Variants in HMOX1 observed in about 807,000 individuals in gnomAD.
HMOX1 encodes the protein heat shock protein, 32-kD.
Under a neutral mutation model 27.8 loss-of-function variants are expected in HMOX1, and 22 were observed. The observed-to-expected ratio is 0.79, with a 90% CI of 0.57 to 1.13. HMOX1 has a LOEUF of 1.13. Ranked by LOEUF, HMOX1 falls within the 50% of genes most tolerant of loss-of-function variation. HMOX1 has a pLI of 0.00. For missense variants in HMOX1, 379 were observed against 377.7 expected, an observed-to-expected ratio of 1.00 and a Z score of -0.03; for synonymous variants, 153 against 151.6, an observed-to-expected ratio of 1.01 and a Z score of -0.07.
intron 1 of HMOX1, chr22:35,381,433 T>C: frequency 1.7e-6 from 1 of 600,100 alleles, no homozygotes. Context: ...AAGATGGGAG[T>C]GTCCCTAGAG....
chr22:35,385,892 A>G (rs1190162581), intron 2 of HMOX1, among the ~76,000 whole-genome samples: 2 of 151,790 alleles, frequency 1.3e-5, no homozygotes, highest in African/African-American at 2.4e-5. Flanking sequence ...CAGCCTCCCA[A>G]AGTGCTGGGA....
chr22:35,391,632 C>T (rs1931727104), intron 4 of HMOX1, among the ~76,000 whole-genome samples: 1 of 107,694 alleles, frequency 9.3e-6, no homozygotes, highest in Non-Finnish European at 1.7e-5. Flanking sequence ...CTCGCTCTTT[C>T]ACCCAGTCTG....
intron 3 of HMOX1, among the ~76,000 whole-genome samples, chr22:35,389,269 T>A (rs1931604855): frequency 7.9e-6 from 1 of 126,384 alleles, no homozygotes; most frequent in East Asian, 2.1e-4. Context: ...TCTCTCTCTC[T>A]CTCTCCTCTC....
chr22:35,381,729 C>T (rs1299919988), intron 1 of HMOX1, among the ~76,000 whole-genome samples: 1 of 152,012 alleles, frequency 6.6e-6, no homozygotes, highest in African/African-American at 2.4e-5. Context: ...GGTCTGCCCA[C>T]CTCCAGGTCT....
Position 35,383,135 on chromosome 22 carries a change from A to T in HMOX1, c.53A>T (p.Lys18Met), listed in dbSNP as rs150399064. ...CCCCAGGATTTGTCAGAGGCCCTGAAGGAGGCCACCAAGGAGGTGCACACC... is the reference window on the plus strand; with the variant it reads ...CCCCAGGATTTGTCAGAGGCCCTGATGGAGGCCACCAAGGAGGTGCACACC... ...SMPQDLSEALKEATKEVHTQA... is the reference protein window; with the variant it reads ...SMPQDLSEALMEATKEVHTQA... Residue 18 changes from lysine (K) to methionine (M), a missense_variant, in exon 2 of 5, where the codon AAG (lysine) becomes ATG (methionine). Physicochemically the swap from Lys to Met is moderately conservative, Grantham distance 95. Transcript: ENST00000216117. 3.1e-6 allele frequency: 5 copies of T among 1,613,828 alleles called. No homozygotes were observed. Among genetic ancestry groups the T allele is most frequent in the Non-Finnish European group, 4.2e-6 (5 of 1,179,788 alleles).
chr22:35,389,206 T>TTTCC (rs1931588746), intron 3 of HMOX1, among the ~76,000 whole-genome samples: 2 of 128,104 alleles, frequency 1.6e-5, no homozygotes, highest in Non-Finnish European at 3.2e-5. Context: ...TCTTTCTTTC[T>TTTCC]TTCTTTCTCT....
At chr22:35,390,197 GT>G (rs1190453989) in intron 4 of HMOX1, 1 of 555,968 alleles carries the variant, frequency 1.8e-6, no homozygotes, top group Non-Finnish European at 3.3e-6. Context: ...ACATGCTGCA[GT>G]TACAGGCGCG....
intron 3 of HMOX1, among the ~76,000 whole-genome samples, chr22:35,389,395 C>CTTCCTTTCTTTCTTTCTTT (rs1555901605): frequency 1.7e-4 from 9 of 51,812 alleles, no homozygotes; most frequent in South Asian, 7.9e-4. Flanking sequence ...TTCCTTCCTT[C>CTTCCTTTCTTTCTTTCTTT]CTTTCTTTCT....
rs1016613920 is a variant in HMOX1, at chr22:35,386,667, T to G, written c.145-18T>G. ...CTTCTATGTGGCTGGCGGCCTGACC[T>G]GCTCACTCTGCTTTCAGCTGGTGAT... On this transcript the variant is annotated intron_variant, in intron 2 of 4. Coordinates refer to ENST00000216117, the MANE Select transcript of HMOX1 (RefSeq NM_002133.3). The G allele has an allele frequency of 4.1e-5, 66 of 1,613,888 alleles. No homozygotes were observed. The highest frequency in any genetic ancestry group is 5.3e-5 in the Non-Finnish European group (62 of 1,179,982).
Position 35,386,939 on chromosome 22 carries a change from C to T in HMOX1, c.399C>T (p.Ala133=), listed in dbSNP as rs1931524959. The change falls in exon 3 of 5, where the codon GCC becomes GCT. Residue 133 remains alanine (A), a synonymous_variant. Transcript: ENST00000216117. ...AGCCCGAGCTGCTGGTGGCCCACGC[C>T]TACACCCGCTACCTGGGTGACCTGT... is the stretch of plus-strand genomic sequence containing the variant. The part of the protein sequence containing the change: ...RTEPELLVAH[A]YTRYLGDLSG... 6.2e-7 allele frequency: 1 copy of T among 1,614,116 alleles called. No individual in the cohort carries two copies. Among genetic ancestry groups the T allele is most frequent in the Non-Finnish European group, 8.5e-7 (1 of 1,180,042 alleles).
intron 2 of HMOX1, among the ~76,000 whole-genome samples, chr22:35,385,923 G>T (rs554559346): frequency 7.1e-6 from 1 of 141,380 alleles, no homozygotes; most frequent in African/African-American, 2.6e-5. Context: ...GAGCCACCGC[G>T]TCCAGCTGGC....
rs768435104 is a variant in HMOX1 at position 35,383,107 on chromosome 22, A to C, written c.25A>C (p.Met9Leu). The part of the protein sequence containing the change: MERPQPDS[M>L]PQDLSEALKE... ...TCACCTTTCCCATTTCCTCCTCAGC[A>C]TGCCCCAGGATTTGTCAGAGGCCCT... Residue 9 changes from methionine to leucine, a missense_variant and splice_region_variant, in exon 2 of 5, where the codon ATG (methionine) becomes CTG (leucine). Met to Leu is a conservative substitution (Grantham distance 15). Transcript: ENST00000216117. The C allele has an allele frequency of 2.5e-6, 4 of 1,613,428 alleles. No homozygotes were observed. The highest frequency in any genetic ancestry group is 3.4e-6 in the Non-Finnish European group (4 of 1,179,634).
Position 35,381,138 on chromosome 22 carries a change from C to A in HMOX1, c.-36C>A, listed in dbSNP as rs894108001. 9 of 1,538,222 alleles carry A rather than the reference C, an allele frequency of 5.9e-6. No homozygotes were observed. Among genetic ancestry groups the A allele is most frequent in the East Asian group, 2.4e-5 (1 of 41,192 alleles). ...GAGCGTCCTCAGCGCAGCCGCCGCCCGCGGAGCCAGCACGAACGAGCCCAG... is the reference window on the plus strand; with the variant it reads ...GAGCGTCCTCAGCGCAGCCGCCGCCAGCGGAGCCAGCACGAACGAGCCCAG... On this transcript the variant is annotated 5_prime_UTR_variant, in exon 1 of 5. Transcript: ENST00000216117.
At chr22:35,391,388 C>T (rs369087636) in intron 4 of HMOX1, among the ~76,000 whole-genome samples, 9 of 150,888 alleles carry the variant, frequency 6.0e-5, no homozygotes, top group South Asian at 2.1e-4. Context: ...CCCAGGTTCA[C>T]GCCATTCTCC....
chr22:35,391,557 A>G (rs180810052), intron 4 of HMOX1, among the ~76,000 whole-genome samples: 9 of 142,858 alleles, frequency 6.3e-5, no homozygotes, highest in Middle Eastern at 4.0e-3. Context: ...AAAGTGCTGT[A>G]ATTACAGGTG....
In HMOX1 at chr22:35,391,413, G is replaced by A. The variant is rs548674529; in HGVS notation, c.736+1450G>A. On this transcript the variant is annotated intron_variant, in intron 4 of 4. Transcript: ENST00000216117. ...CGCCATTCTCCTGCCTCAGCCTCCCGAGTAGCTGGGACTACAGGTGCCCGC... is the reference window on the plus strand; with the variant it reads ...CGCCATTCTCCTGCCTCAGCCTCCCAAGTAGCTGGGACTACAGGTGCCCGC... Among the ~76,000 whole-genome samples the A allele has an allele frequency of 3.5e-3, 525 of 151,224 alleles. 2 individuals are homozygous for A. Among genetic ancestry groups the A allele is most frequent in the African/African-American group, 0.012 (478 of 41,146 alleles).
At position 35,386,902 on chromosome 22, in the gene HMOX1, T is replaced by A; in HGVS notation, c.362T>A (p.Val121Glu). ...CGCTATGTGAAGCGGCTCCACGAGG[T>A]GGGGCGCACAGAGCCCGAGCTGCTG... is the stretch of plus-strand genomic sequence containing the variant. Reference protein sequence around the residue: ...MQRYVKRLHEVGRTEPELLVA... With the variant: ...MQRYVKRLHEEGRTEPELLVA... The change falls in exon 3 of 5, where the codon GTG becomes GAG. Residue 121 changes from valine (V) to glutamate (E), a missense_variant. Physicochemically the swap from Val to Glu is moderately radical, Grantham distance 121. Transcript: ENST00000216117. The A allele has an allele frequency of 6.2e-7, 1 of 1,613,976 alleles. No individual in the cohort carries two copies. The highest frequency in any genetic ancestry group is 1.7e-4 in the Middle Eastern group (1 of 6,060).
intron 4 of HMOX1, among the ~76,000 whole-genome samples, chr22:35,391,136 G>A (rs997265841): frequency 3.9e-5 from 6 of 152,236 alleles, no homozygotes; most frequent in African/African-American, 1.2e-4. Flanking sequence ...TTGTAACCCC[G>A]GAGGGCTTGG....
rs768627741 is a variant in HMOX1, at chr22:35,383,217, C to G, written c.135C>G (p.Asp45Glu). 1 of 1,613,492 alleles carries G rather than the reference C, an allele frequency of 6.2e-7. No homozygotes were observed. The highest frequency in any genetic ancestry group is 1.1e-5 in the South Asian group (1 of 91,062). ...TTCAGAAGGGCCAGGTGACCCGAGA[C>G]GGCTTCAAGGTATGTGGCTTGGTGG... is the stretch of plus-strand genomic sequence containing the variant. Reference protein sequence around the residue: ...RNFQKGQVTRDGFKLVMASLY... With the variant: ...RNFQKGQVTREGFKLVMASLY... Residue 45 changes from aspartate to glutamate, a missense_variant, in exon 2 of 5, where the codon GAC (aspartate) becomes GAG (glutamate). Asp to Glu is a conservative substitution (Grantham distance 45). Transcript: ENST00000216117.
Sources: allele counts gnomAD v4.1 joint callset (sites outside exome capture counted in the v4.1 genomes callset), GRCh38; gene constraint gnomAD v4.1.1; transcripts MANE v1.5; gene names NCBI Gene and HGNC (gene_info 2026-07-23, HGNC 2026-07-21).